Variants in FAT1 observed in about 807,000 individuals in gnomAD.
The protein encoded by FAT1 is FAT atypical cadherin 1.
FAT1 carries 171 observed loss-of-function variants against 329.8 expected under a neutral mutation model. The ratio of observed to expected loss-of-function variants is 0.52; its 90% CI spans 0.46 to 0.59. FAT1 has a LOEUF of 0.59. Among genes scored for constraint, FAT1 ranks in the 20% least tolerant of loss-of-function variants. The pLI is 0.00. For synonymous variants in FAT1, 2,233 were observed against 2,228.6 expected (o/e 1.00, Z -0.06); for missense variants, 5,672 against 5,774.4 (o/e 0.98, Z 0.57).
chr4:186,723,325 C>CA (rs1745543826), intron 1 of FAT1, among the ~76,000 whole-genome samples: 1 of 152,212 alleles, frequency 6.6e-6, no homozygotes, highest in Non-Finnish European at 1.5e-5. Flanking sequence ...CTTTCGCAGA[C>CA]GGCGGGATGC....
chr4:186,701,676 C>G (rs1744321219), intron 2 of FAT1, among the ~76,000 whole-genome samples: 1 of 152,212 alleles, frequency 6.6e-6, no homozygotes, highest in African/African-American at 2.4e-5. Flanking sequence ...GCCCGTCAGC[C>G]TCCTCCACAT....
chr4:186,628,126 A>C (rs1433026680), intron 9 of FAT1, 28 bp downstream of exon 9: 1 of 1,603,438 alleles, frequency 6.2e-7, no homozygotes, highest in Non-Finnish European at 8.5e-7. Flanking sequence ...CTGCAAATTT[A>C]AAATGCCACT....
intron 2 of FAT1, among the ~76,000 whole-genome samples, chr4:186,673,123 T>A (rs1004535068): frequency 5.9e-5 from 9 of 152,060 alleles, no homozygotes; most frequent in African/African-American, 1.4e-4. Context: ...TTCAGAAAAA[T>A]TTTTTAAACA....
chr4:186,707,248 T>C lies in FAT1; in HGVS notation c.2580A>G (p.Ser860=), dbSNP rs2126686919. 1.2e-6 allele frequency: 2 copies of C among 1,613,988 alleles called. No homozygotes were observed. The highest frequency in any genetic ancestry group is 1.7e-6 in the Non-Finnish European group (2 of 1,179,886). The change falls in exon 2 of 27, where the codon TCA becomes TCG. Residue 860 remains serine, a synonymous_variant. Transcript: ENST00000441802. ...AAAATGTGTCTGTGTCTGTAACAAT[T>C]GAGTACGTCACGTGTCCGTTGGGCC... The part of the protein sequence containing the change: ...DLGPNGHVTY[S]IVTDTDTFSI...
intron 2 of FAT1, among the ~76,000 whole-genome samples, chr4:186,670,346 A>T (rs942705076): frequency 1.3e-5 from 2 of 152,246 alleles, no homozygotes; most frequent in Non-Finnish European, 2.9e-5. Context: ...AGAAAAACTT[A>T]AATGTGAGAT....
At chr4:186,607,047 TG>T (rs2126451315) in intron 16 of FAT1, among the ~76,000 whole-genome samples, 1 of 152,216 alleles carries the variant, frequency 6.6e-6, no homozygotes, top group East Asian at 1.9e-4. Context: ...TGCCCCACAG[TG>T]GGGGCAATCC....
At chr4:186,685,378 G>A (rs1277136208) in intron 2 of FAT1, among the ~76,000 whole-genome samples, 8 of 152,140 alleles carry the variant, frequency 5.3e-5, no homozygotes, top group Admixed American at 2.0e-4. Context: ...CTATTTTTCA[G>A]TAACACCATA....
intron 1 of FAT1, among the ~76,000 whole-genome samples, chr4:186,710,318 A>T (rs1489378655): frequency 6.6e-6 from 1 of 152,164 alleles, no homozygotes; most frequent in Non-Finnish European, 1.5e-5. Flanking sequence ...ACTAATTCAG[A>T]AAAAAACAAA....
chr4:186,641,470 C>T (rs1741090771), intron 3 of FAT1, among the ~76,000 whole-genome samples: 1 of 152,176 alleles, frequency 6.6e-6, no homozygotes, highest in Non-Finnish European at 1.5e-5. Flanking sequence ...CAAGGAGCCC[C>T]TTGATTAGTC....
At chr4:186,610,583 T>C (rs1225682100) in intron 14 of FAT1, among the ~76,000 whole-genome samples, 4 of 144,580 alleles carry the variant, frequency 2.8e-5, no homozygotes, top group African/African-American at 1.0e-4. Flanking sequence ...TTATTATAAA[T>C]ATAAATTATA....
At chr4:186,656,055 C>A (rs1365517601) in intron 3 of FAT1, among the ~76,000 whole-genome samples, 1 of 152,228 alleles carries the variant, frequency 6.6e-6, no homozygotes, top group African/African-American at 2.4e-5. Flanking sequence ...CCATACGGGA[C>A]CATGCCAGGG....
Position 186,618,747 on chromosome 4 carries a change from A to G in FAT1, c.7839T>C (p.Thr2613=), listed in dbSNP as rs1395229984. The G allele has an allele frequency of 6.2e-7, 1 of 1,614,018 alleles. No homozygotes were observed. The highest frequency in any genetic ancestry group is 8.5e-7 in the Non-Finnish European group (1 of 1,179,892). The change falls in exon 10 of 27, where the codon ACT becomes ACC. Residue 2613 remains threonine, a synonymous_variant. Coordinates refer to ENST00000441802, the MANE Select transcript of FAT1 (RefSeq NM_005245.4). ...CACTTGCAAGAACTTTAACGACTGA[A>G]GTCCCTTTAGCAGCACTGGACCCGA... ...VNIGSSAAKG[T]SVVKVLASDA...
intron 2 of FAT1, among the ~76,000 whole-genome samples, chr4:186,697,800 C>T (rs1325929972): frequency 6.6e-6 from 1 of 152,170 alleles, no homozygotes; most frequent in Non-Finnish European, 1.5e-5. Flanking sequence ...CGCTGGTCCT[C>T]CTTTATGAGA....
At chr4:186,626,415 C>A (rs1296376838) in intron 9 of FAT1, among the ~76,000 whole-genome samples, 1 of 18,140 alleles carries the variant, frequency 5.5e-5, no homozygotes, top group African/African-American at 2.6e-4. Context: ...GCACATAAAG[C>A]GAGCTTCATC....
At chr4:186,713,096 C>A (rs1449431271) in intron 1 of FAT1, among the ~76,000 whole-genome samples, 1 of 151,886 alleles carries the variant, frequency 6.6e-6, no homozygotes, top group Non-Finnish European at 1.5e-5. Flanking sequence ...CTAGATACAA[C>A]TAACAAACCA....
chr4:186,670,823 C>T (rs1742692700), intron 2 of FAT1, among the ~76,000 whole-genome samples: 2 of 152,004 alleles, frequency 1.3e-5, no homozygotes, highest in Admixed American at 6.6e-5. Context: ...CAAGAGGAGA[C>T]CAGAGAGACG....
chr4:186,604,474 T>C lies in FAT1; in HGVS notation c.10451A>G (p.Asn3484Ser), dbSNP rs1206079638. ...GTTAACTTCAAAAGCCTTCTCATCATTTCCAGTTACAATAGTAAAGAAGAA... is the reference window on the plus strand; with the variant it reads ...GTTAACTTCAAAAGCCTTCTCATCACTTCCAGTTACAATAGTAAAGAAGAA... Reference protein sequence around the residue: ...PPFFFTIVTGNDEKAFEVNPQ... With the variant: ...PPFFFTIVTGSDEKAFEVNPQ... Residue 3484 changes from asparagine to serine, a missense_variant, in exon 18 of 27, where the codon AAT (asparagine) becomes AGT (serine). Around this residue, in one of 2 missense-constraint regions of FAT1, gnomAD observed 1,706 missense variants for 1,859.1 expected, o/e 0.92. Transcript: ENST00000441802. 6.2e-7 allele frequency: 1 copy of C among 1,613,964 alleles called. No individual in the cohort carries two copies. The highest frequency in any genetic ancestry group is 1.3e-5 in the African/African-American group (1 of 75,044).
intron 3 of FAT1, among the ~76,000 whole-genome samples, chr4:186,656,508 A>G (rs1403521512): frequency 6.6e-6 from 1 of 152,226 alleles, no homozygotes; most frequent in Non-Finnish European, 1.5e-5. Context: ...TACCCATTTA[A>G]AACAAGTGAT....
At chr4:186,660,217 C>T (rs770173339) in intron 3 of FAT1, among the ~76,000 whole-genome samples, 1 of 152,076 alleles carries the variant, frequency 6.6e-6, no homozygotes, top group Non-Finnish European at 1.5e-5. Context: ...ACAATCAGGC[C>T]GCCATGATAC....
Sources: allele counts gnomAD v4.1 joint callset (sites outside exome capture counted in the v4.1 genomes callset), GRCh38; gene constraint gnomAD v4.1.1; regional missense constraint gnomAD v4.1.1; transcripts MANE v1.5; gene names NCBI Gene and HGNC (gene_info 2026-07-23, HGNC 2026-07-21).